NRXN1: variants seen among roughly 807,000 people sequenced by gnomAD.
NRXN1 encodes the protein neurexin-1.
In NRXN1, 39 loss-of-function variants were observed where a neutral mutation model predicts 150.9. The observed-to-expected ratio is 0.26, with a 90% confidence interval of 0.20 to 0.34. The LOEUF (loss-of-function observed/expected upper bound fraction) is 0.34, where lower values mean the gene tolerates loss of function less well. Among genes scored for constraint, NRXN1 ranks in the 10% least tolerant of loss-of-function variants. The pLI, the probability that NRXN1 is intolerant of heterozygous loss-of-function variation, is 1.00. For synonymous variants in NRXN1, 924 were observed against 757.0 expected (o/e 1.22, Z -3.62); for missense variants, 1,815 against 1,949.9 (o/e 0.93, Z 1.30).
intron 13 of NRXN1, among the ~76,000 whole-genome samples, chr2:50,504,601 TTTG>T (rs140106552): frequency 0.02 from 3,059 of 152,298 alleles, 110 homozygotes; most frequent in African/African-American, 0.07. Context: ...TCACCATTCT[TTTG>T]TTTTCATCCT....
intron 5 of NRXN1, among the ~76,000 whole-genome samples, chr2:50,687,833 A>C (rs1429828859): frequency 6.6e-6 from 1 of 152,180 alleles, no homozygotes; most frequent in Admixed American, 6.6e-5. Context: ...GGGCAAGAGA[A>C]GCTAAGTTTT....
chr2:50,650,305 G>A (rs897596272), intron 5 of NRXN1, among the ~76,000 whole-genome samples: 2 of 151,946 alleles, frequency 1.3e-5, no homozygotes, highest in Non-Finnish European at 2.9e-5. Flanking sequence ...CAGAGCAAGT[G>A]GTATATGACT....
chr2:50,757,369 T>C (rs961980263), intron 5 of NRXN1, among the ~76,000 whole-genome samples: 4 of 151,754 alleles, frequency 2.6e-5, no homozygotes, highest in African/African-American at 9.7e-5. Context: ...AAATTGGTAA[T>C]GATTCTGTAA....
At chr2:50,896,144 C>T (rs1416383936) in intron 5 of NRXN1, among the ~76,000 whole-genome samples, 2 of 152,206 alleles carry the variant, frequency 1.3e-5, no homozygotes, top group Admixed American at 6.5e-5. Context: ...TTACTGAGTC[C>T]TGTTAGAGAA....
intron 15 of NRXN1, among the ~76,000 whole-genome samples, chr2:50,486,039 T>G (rs2090848769): frequency 6.6e-6 from 1 of 152,172 alleles, no homozygotes; most frequent in Non-Finnish European, 1.5e-5. Context: ...AATTATTATA[T>G]AATTACCTTA....
chr2:51,028,395 G>T lies in NRXN1; in HGVS notation c.-122C>A. On this transcript the variant is annotated 5_prime_UTR_variant, in exon 2 of 23. Coordinates refer to ENST00000401669, the MANE Select transcript of NRXN1 (RefSeq NM_001330078.2). The stretch of plus-strand genomic sequence containing the variant: ...AAGGTAAGGGGAAAGGCGGGAGTGA[G>T]AGGGATGTGCCCTCCTTTATCTAGT... 1 of 594,418 alleles carries T rather than the reference G, an allele frequency of 1.7e-6. No individual in the cohort carries two copies. Among genetic ancestry groups the T allele is most frequent in the East Asian group, 3.0e-5 (1 of 32,942 alleles). 36.8% of individuals were successfully genotyped at this position (594,418 alleles called of 1,614,324 possible). A position where few individuals can be genotyped will look rare whatever the true frequency, so the allele number is the denominator to read the frequency against.
chr2:50,862,992 T>A (rs1051092189), intron 5 of NRXN1, among the ~76,000 whole-genome samples: 2 of 152,042 alleles, frequency 1.3e-5, no homozygotes, highest in Admixed American at 6.6e-5. Flanking sequence ...GTGATATAGT[T>A]GAGCATTTTT....
At chr2:50,851,775 A>T (rs888880430) in intron 5 of NRXN1, among the ~76,000 whole-genome samples, 15 of 152,208 alleles carry the variant, frequency 9.9e-5, no homozygotes, top group Non-Finnish European at 2.1e-4. Context: ...TGGCTGCCCA[A>T]GGTTCTCATC....
intron 8 of NRXN1, among the ~76,000 whole-genome samples, chr2:50,592,125 C>T (rs1249602518): frequency 6.6e-6 from 1 of 152,216 alleles, no homozygotes; most frequent in Non-Finnish European, 1.5e-5. Context: ...TCATTTAATC[C>T]TCACTATAAA....
intron 17 of NRXN1, among the ~76,000 whole-genome samples, chr2:50,400,696 A>G (rs1018871882): frequency 1.3e-5 from 2 of 152,182 alleles, no homozygotes; most frequent in African/African-American, 4.8e-5. Flanking sequence ...CAAAATCTGT[A>G]AACTTATCAA....
chr2:50,754,565 G>A (rs1331317076), intron 5 of NRXN1, among the ~76,000 whole-genome samples: 2 of 151,744 alleles, frequency 1.3e-5, no homozygotes, highest in African/African-American at 4.8e-5. Context: ...TGAATTCAAA[G>A]AGAAAATGCT....
At chr2:50,624,021 G>A (rs1002238476) in intron 5 of NRXN1, among the ~76,000 whole-genome samples, 3 of 151,994 alleles carry the variant, frequency 2.0e-5, no homozygotes, top group Admixed American at 6.6e-5. Context: ...ACCTATGAGT[G>A]AGAACATGTG....
At chr2:50,046,799 C>T (rs1004968732) in intron 21 of NRXN1, among the ~76,000 whole-genome samples, 2 of 152,158 alleles carry the variant, frequency 1.3e-5, no homozygotes, top group African/African-American at 4.8e-5. Context: ...CCCACACAAG[C>T]TTTCAGACCT....
At chr2:50,704,032 T>G (rs1694110281) in intron 5 of NRXN1, among the ~76,000 whole-genome samples, 1 of 152,048 alleles carries the variant, frequency 6.6e-6, no homozygotes, top group Non-Finnish European at 1.5e-5. Flanking sequence ...TCACTTCTGG[T>G]GGATTGAATG....
chr2:50,496,210 C>T, intron 14 of NRXN1, 115 bp from the exon 15 acceptor site: 2 of 692,310 alleles, frequency 2.9e-6, no homozygotes, highest in Non-Finnish European at 4.7e-6. Flanking sequence ...TACTAGAAGT[C>T]ATGACAATAA....
At chr2:50,279,567 ACT>A (rs2071121933) in intron 17 of NRXN1, among the ~76,000 whole-genome samples, 1 of 152,154 alleles carries the variant, frequency 6.6e-6, no homozygotes, top group East Asian at 1.9e-4. Context: ...TAAGGTAATG[ACT>A]CATTAATTAC....
At chr2:50,330,277 C>T (rs1175118359) in intron 17 of NRXN1, among the ~76,000 whole-genome samples, 4 of 152,038 alleles carry the variant, frequency 2.6e-5, no homozygotes, top group Non-Finnish European at 5.9e-5. Flanking sequence ...ATTCTATTTT[C>T]GTTCTCAAAC....
intron 18 of NRXN1, among the ~76,000 whole-genome samples, chr2:50,177,476 G>A (rs2060422121): frequency 6.6e-6 from 1 of 151,556 alleles, no homozygotes; most frequent in African/African-American, 2.4e-5. Context: ...ATAGCTAAAT[G>A]TATTTATCAT....
chr2:50,229,044 A>C (rs1223022418), intron 18 of NRXN1, among the ~76,000 whole-genome samples: 1 of 152,002 alleles, frequency 6.6e-6, no homozygotes, highest in Non-Finnish European at 1.5e-5. Flanking sequence ...GACCCCATAA[A>C]AATTATGTCT....
Sources: allele counts gnomAD v4.1 joint callset (sites outside exome capture counted in the v4.1 genomes callset), GRCh38; gene constraint gnomAD v4.1.1; transcripts MANE v1.5; gene names NCBI Gene and HGNC (gene_info 2026-07-23, HGNC 2026-07-21).